MEN1: variants seen among roughly 807,000 people sequenced by gnomAD.
MEN1 encodes the protein menin 1, also known as menin.
A neutral mutation model predicts 58.0 loss-of-function variants in MEN1; 6 were observed. The observed-to-expected ratio is 0.10, with a 90% CI of 0.06 to 0.20. The LOEUF is 0.20. Ranked by LOEUF, MEN1 falls within the 10% of genes least tolerant of loss-of-function variation. MEN1 has a pLI of 1.00. For synonymous variants in MEN1, 346 were observed against 350.7 expected, an observed-to-expected ratio of 0.99 and a Z score of 0.15; for missense variants, 492 against 818.5, an observed-to-expected ratio of 0.60 and a Z score of 4.87.
rs1941649021 is a variant in MEN1 at position 64,805,410 on chromosome 11, T to C, written c.1186-212A>G. Among the ~76,000 whole-genome samples the C allele has an allele frequency of 2.0e-5, 3 of 151,754 alleles. 1 individual carries two copies. In the South Asian group the frequency reaches 6.3e-4, roughly 32 times the overall value. ...TCCACCCCTCAGCTGAGGGAGGGAG[T>C]CTGGCCATGAAACTGAAGGCACAGG... On this transcript the variant is annotated intron_variant, in intron 8 of 9. Transcript: ENST00000450708.
Position 64,805,156 on chromosome 11 carries a change from A to T in MEN1, c.1228T>A (p.Phe410Ile), listed in dbSNP as rs1941619609. 6.2e-7 allele frequency: 1 copy of T among 1,613,954 alleles called. No homozygotes were observed. ...TCGTAGAATCGCAGCAGGTGGGCGA[A>T]GCACTCAGGGTCCTGGAGGGCGGAA... ...QGSALQDPEC[F>I]AHLLRFYDGI... Residue 410 changes from phenylalanine to isoleucine, a missense_variant, in exon 9 of 10, where the codon TTC (phenylalanine) becomes ATC (isoleucine). Transcript: ENST00000450708.
intron 2 of MEN1, 117 bp downstream of exon 2, chr11:64,809,548 G>C (rs1324759975): frequency 1.1e-5 from 15 of 1,318,822 alleles, no homozygotes; most frequent in Non-Finnish European, 1.5e-5. Context: ...ACTGCAAAGA[G>C]GAAAATAACA....
Position 64,809,891 on chromosome 11 carries a change from G to T in MEN1, c.219C>A (p.Gly73=). 6.3e-7 allele frequency: 1 copy of T among 1,596,786 alleles called. No individual in the cohort carries two copies. The highest frequency in any genetic ancestry group is 1.1e-5 in the South Asian group (1 of 89,524). ...CGGCCACGGGAAAGTAGGTGAGGCCGCCAGGCGGGTCGGGGGCGGGGCTGG... is the reference window on the plus strand; with the variant it reads ...CGGCCACGGGAAAGTAGGTGAGGCCTCCAGGCGGGTCGGGGGCGGGGCTGG... ...FQPSPAPDPP[G]GLTYFPVADL... Residue 73 remains glycine, a synonymous_variant, in exon 2 of 10, where the codon GGC becomes GGA. Coordinates refer to ENST00000450708, the MANE Select transcript of MEN1 (RefSeq NM_001370259.2).
At position 64,804,853 on chromosome 11, in the gene MEN1, G is replaced by T; in HGVS notation, c.1351-37C>A. 1 of 1,595,514 alleles carries T rather than the reference G, an allele frequency of 6.3e-7. No homozygotes were observed. Among genetic ancestry groups the T allele is most frequent in the South Asian group, 1.1e-5 (1 of 90,982 alleles). ...GGGAGAGCAAGGTGAGAGCAAGGTT[G>T]CCGGCCAGTGGCTGGAACTCCAGGA... is the stretch of plus-strand genomic sequence containing the variant. On this transcript the variant is annotated intron_variant, in intron 9 of 9. Transcript: ENST00000450708. This position sits in a 1 kb window ranked among gnomAD's most constrained non-coding sequence, Gnocchi z 4.2.
At chr11:64,806,418 C>G (rs764257504) in intron 6 of MEN1, 50 bp from the exon 7 acceptor site, 2 of 1,611,714 alleles carry the variant, frequency 1.2e-6, no homozygotes, top group African/African-American at 1.3e-5. Context: ...CCCAGCTGCC[C>G]TGCTGGCACA....
rs1173762273 is a variant in MEN1 at position 64,807,501 on chromosome 11, G to T, written c.783+51C>A. ...AAGTGCCCCTGCCCAGGGTCCCACA[G>T]CAAGTCAAGTCTGGCCTAGCCCAGT... On this transcript the variant is annotated intron_variant, in intron 4 of 9. Coordinates refer to ENST00000450708, the MANE Select transcript of MEN1 (RefSeq NM_001370259.2). This position sits in a 1 kb window ranked among gnomAD's most constrained non-coding sequence, Gnocchi z 4.9. 1.2e-6 allele frequency: 2 copies of T among 1,604,234 alleles called. No homozygotes were observed. Among genetic ancestry groups the T allele is most frequent in the South Asian group, 2.2e-5 (2 of 90,676 alleles).
chr11:64,804,694 C>T lies in MEN1; in HGVS notation c.1473G>A (p.Glu491=), dbSNP rs1555163642. Residue 491 remains glutamate (E), a synonymous_variant, in exon 10 of 10, where the codon GAG becomes GAA. Coordinates refer to ENST00000450708, the MANE Select transcript of MEN1 (RefSeq NM_001370259.2). This position sits in a 1 kb window ranked among gnomAD's most constrained non-coding sequence, Gnocchi z 4.2. ...RGPRRESKPE[E]PPPPKKPALD... ...GTGCTGGCTTCTTGGGCGGCGGGGG[C>T]TCCTCTGGCTTGGACTCCCGCCGTG... 1.3e-6 allele frequency: 2 copies of T among 1,595,346 alleles called. No individual in the cohort carries two copies. The highest frequency in any genetic ancestry group is 1.7e-6 in the Non-Finnish European group (2 of 1,176,364).
intron 8 of MEN1, 74 bp from the exon 9 acceptor site, chr11:64,805,272 C>G (rs909839950): frequency 2.6e-6 from 4 of 1,535,372 alleles, no homozygotes; most frequent in African/African-American, 2.7e-5. Flanking sequence ...GCCAGGCCCC[C>G]CACCTAGGCA....
rs1317165588 is a variant in MEN1, at chr11:64,805,914, C to T, written c.1050-144G>A. The T allele has an allele frequency of 5.8e-6, 5 of 858,962 alleles. No individual in the cohort carries two copies. The African/African-American group carries it at 8.4e-5, about 14-fold the overall frequency. 53.2% of individuals were successfully genotyped at this position (858,962 alleles called of 1,614,324 possible). The stretch of plus-strand genomic sequence containing the variant: ...GCAAAATGATGCTGTCTGGGTCAGC[C>T]CAGAGGAAGAAAGCAAGAATGAGGA... On this transcript the variant is annotated intron_variant, in intron 7 of 9. Transcript: ENST00000450708.
chr11:64,810,095 G>C lies in MEN1; in HGVS notation c.15C>G (p.Ala5=). The change falls in exon 2 of 10, where the codon GCC becomes GCG. Residue 5 remains alanine (A), a synonymous_variant. Transcript: ENST00000450708. The stretch of plus-strand genomic sequence containing the variant: ...GCAGCGGGAACAGCGTCTTCTGGGC[G>C]GCCTTCAGCCCCATGGCGGCGGGCG... MGLK[A]AQKTLFPLRS... 1 of 1,595,886 alleles carries C rather than the reference G, an allele frequency of 6.3e-7. No individual in the cohort carries two copies. Among genetic ancestry groups the C allele is most frequent in the Non-Finnish European group, 8.5e-7 (1 of 1,174,296 alleles).
rs370583747 is a variant in MEN1 at position 64,807,712 on chromosome 11, G to C, written c.655-32C>G. The C allele has an allele frequency of 2.5e-6, 4 of 1,613,874 alleles. No homozygotes were observed. The African/African-American group carries it at 4.0e-5, about 16-fold the overall frequency. The stretch of plus-strand genomic sequence containing the variant: ...GGGGGATGAGATCATTATGTCTCAT[G>C]ATGGCCCACCCTGTGCCTGCTTCAG... On this transcript the variant is annotated intron_variant, in intron 3 of 9. Transcript: ENST00000450708. This position sits in a 1 kb window ranked among gnomAD's most constrained non-coding sequence, Gnocchi z 4.9.
In MEN1 at chr11:64,805,671, C is replaced by T. The variant is rs1555164667; in HGVS notation, c.1149G>A (p.Leu383=). The T allele has an allele frequency of 1.1e-5, 17 of 1,614,198 alleles. No individual in the cohort carries two copies. Among genetic ancestry groups the T allele is most frequent in the Non-Finnish European group, 1.4e-5 (17 of 1,180,030 alleles). The part of the protein sequence containing the change: ...PNLLKEAASL[L]EAGEERPGEQ... ...CCCCCGGCCGCTCCTCGCCCGCCTC[C>T]AGCAAGCTGGCTGCCTCCTTCAGCA... The change falls in exon 8 of 10, where the codon CTG becomes CTA. Residue 383 remains leucine (L), a synonymous_variant. Transcript: ENST00000450708.
rs1941458782 is a variant in MEN1, at chr11:64,804,034, G to T, written c.*300C>A. 2.1e-6 allele frequency: 1 copy of T among 478,336 alleles called. No individual in the cohort carries two copies. Among genetic ancestry groups the T allele is most frequent in the South Asian group, 2.1e-5 (1 of 46,712 alleles). The allele number at this position is 478,336 out of a possible 1,614,324, so 29.6% of individuals were successfully genotyped here. A position where few individuals can be genotyped will look rare whatever the true frequency, so the allele number is the denominator to read the frequency against. On this transcript the variant is annotated 3_prime_UTR_variant, in exon 10 of 10. Transcript: ENST00000450708. This position sits in a 1 kb window ranked among gnomAD's most constrained non-coding sequence, Gnocchi z 4.2. Reference sequence around the variant, plus strand: ...TCTAGGTGAGCGGTTCCGAGGAGGAGCTTGGGTTTCTAGGGGCTGGGCCTT... The same window carrying T: ...TCTAGGTGAGCGGTTCCGAGGAGGATCTTGGGTTTCTAGGGGCTGGGCCTT...
In MEN1 at chr11:64,807,576, C is replaced by A. The variant is rs201829546; in HGVS notation, c.759G>T (p.Ser253=). ...INPSIDLHTD[S]LELLQLQQKL... The stretch of plus-strand genomic sequence containing the variant: ...CCTGCTGCAGCTGCAGAAGCTCCAG[C>A]GAGTCGGTGTGCAGGTCAATGGAAG... Residue 253 remains serine (S), a synonymous_variant, in exon 4 of 10, where the codon TCG becomes TCT. Transcript: ENST00000450708. This position sits in a 1 kb window ranked among gnomAD's most constrained non-coding sequence, Gnocchi z 4.9. 59 of 1,614,034 alleles carry A rather than the reference C, an allele frequency of 3.7e-5. No individual in the cohort carries two copies. The highest frequency in any genetic ancestry group is 4.9e-5 in the Non-Finnish European group (58 of 1,180,034).
chr11:64,804,409 C>T lies in MEN1; in HGVS notation c.1758G>A (p.Gln586=), dbSNP rs759563305. 7 of 1,614,208 alleles carry T rather than the reference C, an allele frequency of 4.3e-6. No individual in the cohort carries two copies. Among genetic ancestry groups the T allele is most frequent in the Non-Finnish European group, 4.2e-6 (5 of 1,180,032 alleles). Residue 586 remains glutamine (Q), a synonymous_variant, in exon 10 of 10, where the codon CAG becomes CAA. Coordinates refer to ENST00000450708, the MANE Select transcript of MEN1 (RefSeq NM_001370259.2). The surrounding 1 kb of genome is among the most constrained non-coding windows in gnomAD (Gnocchi z 4.2). ...KLQLTAQSQV[Q]MKKQKVSTPS... ...GGGTGGACACTTTCTGCTTCTTCAT[C>T]TGCACTTGCGACTGTGCCGTGAGTT... is the stretch of plus-strand genomic sequence containing the variant.
At chr11:64,805,267 GC>G in intron 8 of MEN1, 69 bp from the exon 9 acceptor site, 3 of 1,553,366 alleles carry the variant, frequency 1.9e-6, no homozygotes, top group Non-Finnish European at 2.6e-6. Flanking sequence ...CACAGGCCAG[GC>G]CCCCCACCTA....
At position 64,807,947 on chromosome 11, in the gene MEN1, C is replaced by T. The variant is rs1592650813; in HGVS notation, c.598G>A (p.Gly200Ser). 1 of 1,614,160 alleles carries T rather than the reference C, an allele frequency of 6.2e-7. No homozygotes were observed. Among genetic ancestry groups the T allele is most frequent in the Non-Finnish European group, 8.5e-7 (1 of 1,180,014 alleles). ...CCCCTGCGGTCCTCGTTGCCCTTGC[C>T]GTGCCAGGTGACCTCAGCTGTCTGC... ...GEQTAEVTWH[G>S]KGNEDRRGQT... The change falls in exon 3 of 10, where the codon GGC becomes AGC. Residue 200 changes from glycine to serine, a missense_variant. Transcript: ENST00000450708. The surrounding 1 kb of genome is among the most constrained non-coding windows in gnomAD (Gnocchi z 4.9).
At chr11:64,805,507 A>G (rs1445653711) in intron 8 of MEN1, 128 bp downstream of exon 8, 2 of 1,215,680 alleles carry the variant, frequency 1.6e-6, no homozygotes, top group African/African-American at 3.0e-5. Context: ...AAAAGGGAAC[A>G]TAGCTGTCTG....
At chr11:64,810,641 T>A (rs679946), upstream of MEN1, 50,210 of 153,738 alleles carry the variant, frequency 0.33, 10,744 homozygotes, top group Non-Finnish European at 0.48. Flanking sequence ...CCTGCCCCGC[T>A]GAGCCTGGAA....
Sources: allele counts gnomAD v4.1 joint callset (sites outside exome capture counted in the v4.1 genomes callset), GRCh38; gene constraint gnomAD v4.1.1; non-coding constraint Gnocchi (gnomAD v3.1); transcripts MANE v1.5; gene names NCBI Gene and HGNC (gene_info 2026-07-23, HGNC 2026-07-21).